Variants in CLMN observed in about 807,000 individuals in gnomAD.
CLMN encodes the protein calmin (calponin-like, transmembrane).
A neutral mutation model predicts 92.7 loss-of-function variants in CLMN; 57 were observed. The observed-to-expected ratio is 0.61, with a 90% CI of 0.50 to 0.77. The LOEUF is 0.77. CLMN is among the 30% of genes least tolerant of loss of function. The pLI is 0.00. For synonymous variants in CLMN, 466 were observed against 470.6 expected (o/e 0.99, Z 0.13); for missense variants, 1,158 against 1,237.5 (o/e 0.94, Z 0.96).
intron 1 of CLMN, among the ~76,000 whole-genome samples, chr14:95,316,672 A>G (rs1457216827): frequency 6.6e-6 from 1 of 152,246 alleles, no homozygotes; most frequent in Non-Finnish European, 1.5e-5. Context: ...AGATACTTCT[A>G]AGTCAACTTA....
At chr14:95,193,188 C>T (rs907106093) in intron 12 of CLMN, 17 of 612,068 alleles carry the variant, frequency 2.8e-5, no homozygotes, top group Non-Finnish European at 4.6e-5. Flanking sequence ...ATGACTTCAA[C>T]AGGAATGGGG....
intron 1 of CLMN, among the ~76,000 whole-genome samples, chr14:95,246,179 C>CT (rs944468776): frequency 1.3e-5 from 2 of 152,154 alleles, no homozygotes; most frequent in African/African-American, 4.8e-5. Context: ...GAGCCCACAC[C>CT]TTTCCCTTCC....
intron 1 of CLMN, among the ~76,000 whole-genome samples, chr14:95,240,679 A>G (rs1464529404): frequency 1.3e-5 from 2 of 152,226 alleles, no homozygotes; most frequent in African/African-American, 4.8e-5. Context: ...GCCTTGACTA[A>G]GAACTAGGCA....
intron 1 of CLMN, among the ~76,000 whole-genome samples, chr14:95,311,552 T>C (rs1901539923): frequency 6.6e-6 from 1 of 152,176 alleles, no homozygotes; most frequent in East Asian, 1.9e-4. Context: ...CTGCTTGCTT[T>C]TTCTGTGCCT....
At chr14:95,206,695 A>G (rs1411602022) in intron 8 of CLMN, among the ~76,000 whole-genome samples, 2 of 152,234 alleles carry the variant, frequency 1.3e-5, no homozygotes, top group Non-Finnish European at 2.9e-5. Context: ...TGTTCTGTGA[A>G]CCAGAATGAC....
At chr14:95,265,257 C>T (rs1003863926) in intron 1 of CLMN, among the ~76,000 whole-genome samples, 15 of 151,854 alleles carry the variant, frequency 9.9e-5, no homozygotes, top group Admixed American at 8.5e-4. Flanking sequence ...AAAAAAATCC[C>T]CAGCTGACTT....
At chr14:95,210,331 C>T (rs1212040584) in intron 7 of CLMN, among the ~76,000 whole-genome samples, 5 of 151,680 alleles carry the variant, frequency 3.3e-5, no homozygotes, top group South Asian at 2.1e-4. Flanking sequence ...GGATTATAGG[C>T]GTGAGCCACC....
intron 1 of CLMN, among the ~76,000 whole-genome samples, chr14:95,239,261 A>T (rs981249937): frequency 4.6e-5 from 7 of 152,232 alleles, no homozygotes; most frequent in African/African-American, 1.7e-4. Flanking sequence ...ATACTCAGGC[A>T]TAAATACTAA....
chr14:95,261,134 G>A (rs1040008950), intron 1 of CLMN, among the ~76,000 whole-genome samples: 2 of 151,232 alleles, frequency 1.3e-5, no homozygotes, highest in African/African-American at 4.9e-5. Context: ...CTGCACTTCC[G>A]GACTCTGACT....
rs1900735604 is a variant in CLMN, at chr14:95,294,709, G to A, written c.82+25002C>T. On this transcript the variant is annotated intron_variant, in intron 1 of 12. Coordinates refer to ENST00000298912, the MANE Select transcript of CLMN (RefSeq NM_024734.4). The surrounding 1 kb of genome is among the most constrained non-coding windows in gnomAD (Gnocchi z 4.2). ...ATCTTCCTTTCTCTCCCTGCCCTGT[G>A]TCCTGGGGGCAGGTCCTCCACAGGT... Among the ~76,000 whole-genome samples the A allele has an allele frequency of 6.6e-6, 1 of 152,178 alleles. No individual in the cohort carries two copies. Among genetic ancestry groups the A allele is most frequent in the South Asian group, 2.1e-4 (1 of 4,828 alleles).
At chr14:95,271,707 G>C (rs1899717394) in intron 1 of CLMN, among the ~76,000 whole-genome samples, 1 of 152,164 alleles carries the variant, frequency 6.6e-6, no homozygotes, top group Non-Finnish European at 1.5e-5. Flanking sequence ...TAAGTGTCTT[G>C]CTCAATGAAT....
intron 1 of CLMN, among the ~76,000 whole-genome samples, chr14:95,255,278 C>T (rs531052348): frequency 3.9e-5 from 6 of 152,160 alleles, no homozygotes; most frequent in Non-Finnish European, 8.8e-5. Context: ...GTAGTTCCCC[C>T]CATCTGCAGT....
chr14:95,195,442 ACAG>A (rs1395826291), intron 10 of CLMN, among the ~76,000 whole-genome samples: 1 of 152,204 alleles, frequency 6.6e-6, no homozygotes, highest in Non-Finnish European at 1.5e-5. Flanking sequence ...AAGTCCAGGC[ACAG>A]AAGCAAGGCA....
intron 3 of CLMN, 77 bp from the exon 4 acceptor site, chr14:95,221,851 T>C: frequency 7.3e-7 from 1 of 1,374,170 alleles, no homozygotes; most frequent in East Asian, 2.3e-5. Context: ...TGCTGCTGGG[T>C]GTGCTTTACT....
chr14:95,219,669 G>T (rs752327336), intron 4 of CLMN, among the ~76,000 whole-genome samples: 47 of 152,198 alleles, frequency 3.1e-4, no homozygotes, highest in Non-Finnish European at 6.0e-4. Flanking sequence ...GCCAGAACTG[G>T]AAACAGTCCT....
chr14:95,197,298 GAAGAAGAAGAAAGAAGAAAGGAC>G (rs538349997), intron 9 of CLMN, among the ~76,000 whole-genome samples: 5 of 150,504 alleles, frequency 3.3e-5, no homozygotes, highest in African/African-American at 9.8e-5. Flanking sequence ...GAAGGAGGAG[GAAGAAGAAGAAAGAAGAAAGGAC>G]AAGAAGAAGA....
rs1566891434 is a variant in CLMN at position 95,245,267 on chromosome 14, ATATTATATATATATAGTTTT to A, written c.83-15154_83-15135del. On this transcript the variant is annotated intron_variant, in intron 1 of 12. Coordinates refer to ENST00000298912, the MANE Select transcript of CLMN (RefSeq NM_024734.4). ...ATATATATATATAATATATATATAT[ATATTATATATATATAGTTTT>A]GTTTTGTTTTATTTTATTTTATGGG... Among the ~76,000 whole-genome samples, 39 of 49,888 alleles carry A rather than the reference ATATTATATATATATAGTTTT, an allele frequency of 7.8e-4. 1 individual carries two copies. The highest frequency in any genetic ancestry group is 4.0e-3 in the African/African-American group (39 of 9,678). 32.7% of individuals were successfully genotyped at this position (49,888 alleles called of 152,430 possible). A position where few individuals can be genotyped will look rare whatever the true frequency, so the allele number is the denominator to read the frequency against.
intron 1 of CLMN, among the ~76,000 whole-genome samples, chr14:95,254,477 G>C (rs1595063076): frequency 6.6e-6 from 1 of 152,134 alleles, no homozygotes; most frequent in African/African-American, 2.4e-5. Flanking sequence ...GTGGAGCTGT[G>C]TAGAATATAC....
chr14:95,212,258 TG>T (rs1217126580), intron 6 of CLMN, among the ~76,000 whole-genome samples: 1 of 152,190 alleles, frequency 6.6e-6, no homozygotes, highest in Non-Finnish European at 1.5e-5. Context: ...GAAGGCAGTG[TG>T]TGATAGGATA....
Sources: allele counts gnomAD v4.1 joint callset (sites outside exome capture counted in the v4.1 genomes callset), GRCh38; gene constraint gnomAD v4.1.1; non-coding constraint Gnocchi (gnomAD v3.1); transcripts MANE v1.5; gene names NCBI Gene and HGNC (gene_info 2026-07-23, HGNC 2026-07-21).